The following CNTNAP5 variants were observed in gnomAD, a reference collection of about 807,000 sequenced individuals.
CNTNAP5 encodes contactin associated protein family member 5, also known as contactin-associated protein-like 5.
In CNTNAP5, 72 loss-of-function variants were observed where a neutral mutation model predicts 150.2. The ratio of observed to expected loss-of-function variants is 0.48; its 90% confidence interval spans 0.40 to 0.58. The LOEUF (loss-of-function observed/expected upper bound fraction) is 0.58. Among genes scored for constraint, CNTNAP5 ranks in the 20% least tolerant of loss-of-function variants. The probability of loss-of-function intolerance (pLI) is 0.00; values close to 1 mark genes in which losing one functional copy is unlikely to be tolerated. For synonymous variants in CNTNAP5, 672 were observed against 619.8 expected, an observed-to-expected ratio of 1.08 and a Z score of -1.25; for missense variants, 1,636 against 1,626.2, an observed-to-expected ratio of 1.01 and a Z score of -0.10.
Position 124,664,667 on chromosome 2 carries a change from G to A in CNTNAP5, c.2077+16709G>A, listed in dbSNP as rs10210568. Among the ~76,000 whole-genome samples the A allele has an allele frequency of 1.7e-3, 262 of 152,260 alleles. 1 individual carries two copies. Among genetic ancestry groups the A allele is most frequent in the African/African-American group, 6.0e-3 (251 of 41,538 alleles). ...GCCCTGAATGAAATACATGCAATCC[G>A]CAGGGGACAAAGAAGTTTTGTTTGT... On this transcript the variant is annotated intron_variant, in intron 13 of 23. Coordinates refer to ENST00000682447, the MANE Select transcript of CNTNAP5 (RefSeq NM_001367498.1).
At chr2:124,297,993 C>T (rs1688484262) in intron 3 of CNTNAP5, among the ~76,000 whole-genome samples, 1 of 151,930 alleles carries the variant, frequency 6.6e-6, no homozygotes, top group African/African-American at 2.4e-5. Context: ...TACAGGTGCT[C>T]ACCACCACGC....
chr2:124,465,580 A>G (rs2104825246), intron 6 of CNTNAP5, among the ~76,000 whole-genome samples: 1 of 152,318 alleles, frequency 6.6e-6, no homozygotes, highest in South Asian at 2.1e-4. Context: ...TAATGGTTTA[A>G]TCATACCTCT....
intron 3 of CNTNAP5, among the ~76,000 whole-genome samples, chr2:124,339,859 CT>C: frequency 6.6e-6 from 1 of 151,996 alleles, no homozygotes; most frequent in Non-Finnish European, 1.5e-5. Flanking sequence ...AAGTGGTTTT[CT>C]TCCCCTGAGT....
intron 3 of CNTNAP5, among the ~76,000 whole-genome samples, chr2:124,302,621 G>C (rs1688593314): frequency 6.6e-6 from 1 of 152,108 alleles, no homozygotes; most frequent in African/African-American, 2.4e-5. Context: ...CCTTCATGAG[G>C]GCACAGCCCT....
At chr2:124,738,090 C>T (rs772992876) in intron 13 of CNTNAP5, among the ~76,000 whole-genome samples, 1 of 152,062 alleles carries the variant, frequency 6.6e-6, no homozygotes, top group Non-Finnish European at 1.5e-5. Flanking sequence ...TCCAACTCTG[C>T]TTTTCATTCA....
intron 13 of CNTNAP5, among the ~76,000 whole-genome samples, chr2:124,743,807 C>G (rs767904783): frequency 6.6e-4 from 101 of 152,064 alleles, no homozygotes; most frequent in Non-Finnish European, 6.3e-4. Context: ...TTAAACCTTC[C>G]TATTGGAACA....
chr2:124,897,422 A>C (rs570168872), intron 21 of CNTNAP5, among the ~76,000 whole-genome samples: 2 of 151,556 alleles, frequency 1.3e-5, no homozygotes, highest in South Asian at 4.1e-4. Flanking sequence ...TAAGTCCACT[A>C]TCAAACATGG....
intron 1 of CNTNAP5, among the ~76,000 whole-genome samples, chr2:124,177,429 T>G (rs978144645): frequency 1.3e-5 from 2 of 152,050 alleles, no homozygotes. Context: ...TATCAGAAAG[T>G]GTGATGAGAA....
Position 124,207,006 on chromosome 2 carries a change from G to A in CNTNAP5, c.83-14699G>A, listed in dbSNP as rs547378762. On this transcript the variant is annotated intron_variant, in intron 1 of 23. Coordinates refer to ENST00000682447, the MANE Select transcript of CNTNAP5 (RefSeq NM_001367498.1). ...ACATATATTCTGTTCAACTCTGTATGGCAAATATGATGTTTAGTATCAAAT... is the reference window on the plus strand; with the variant it reads ...ACATATATTCTGTTCAACTCTGTATAGCAAATATGATGTTTAGTATCAAAT... 3.3e-5 allele frequency among the ~76,000 whole-genome samples: 5 copies of A among 152,258 alleles called. No individual in the cohort carries two copies. The East Asian group carries it at 7.7e-4, about 24-fold the overall frequency.
At chr2:124,309,133 A>C (rs1368640671) in intron 3 of CNTNAP5, among the ~76,000 whole-genome samples, 6 of 152,206 alleles carry the variant, frequency 3.9e-5, no homozygotes, top group Non-Finnish European at 8.8e-5. Flanking sequence ...CTAATAATAA[A>C]ATAGGACGGT....
At chr2:124,581,288 G>A (rs939427896) in intron 11 of CNTNAP5, among the ~76,000 whole-genome samples, 1 of 152,120 alleles carries the variant, frequency 6.6e-6, no homozygotes, top group Non-Finnish European at 1.5e-5. Context: ...ATCATGCCAA[G>A]GTGGGAATAA....
intron 2 of CNTNAP5, among the ~76,000 whole-genome samples, chr2:124,241,821 C>CAGAG (rs141935149): frequency 6.7e-6 from 1 of 149,312 alleles, no homozygotes; most frequent in Non-Finnish European, 1.5e-5. Flanking sequence ...ATATATTAGT[C>CAGAG]AGAGAGAGAG....
chr2:124,812,180 A>G (rs565906604), intron 19 of CNTNAP5, among the ~76,000 whole-genome samples: 125 of 124,734 alleles, frequency 1.0e-3, no homozygotes, highest in Middle Eastern at 3.9e-3. Context: ...TTTATAATAC[A>G]TAAGTATATA....
intron 22 of CNTNAP5, 111 bp downstream of exon 22, chr2:124,903,211 TATA>T (rs1678451590): frequency 3.3e-6 from 2 of 602,234 alleles, no homozygotes; most frequent in Non-Finnish European, 5.4e-6. Context: ...TTTTACTTTG[TATA>T]ATAACAGGTG....
intron 1 of CNTNAP5, among the ~76,000 whole-genome samples, chr2:124,147,902 G>A (rs1297564651): frequency 6.6e-6 from 1 of 152,196 alleles, no homozygotes; most frequent in Non-Finnish European, 1.5e-5. Flanking sequence ...GAGTAGTGAG[G>A]CAGAAATGTT....
At chr2:124,037,403 T>A (rs981402325) in intron 1 of CNTNAP5, among the ~76,000 whole-genome samples, 3 of 152,224 alleles carry the variant, frequency 2.0e-5, no homozygotes, top group Admixed American at 6.5e-5. Flanking sequence ...TGCAGCATTA[T>A]CTACAATAGT....
intron 3 of CNTNAP5, among the ~76,000 whole-genome samples, chr2:124,286,940 C>A (rs1460596826): frequency 6.6e-6 from 1 of 152,138 alleles, no homozygotes; most frequent in East Asian, 1.9e-4. Context: ...GTTTAATACC[C>A]ACAGGGACCA....
intron 13 of CNTNAP5, among the ~76,000 whole-genome samples, chr2:124,742,502 T>C (rs1680516483): frequency 6.6e-6 from 1 of 152,094 alleles, no homozygotes; most frequent in African/African-American, 2.4e-5. Context: ...TGCTATAGTA[T>C]TATTATTGTG....
Position 124,748,894 on chromosome 2 carries a change from AATGGGCTTCT to A in CNTNAP5, c.2234+1510_2234+1519del, listed in dbSNP as rs1680662834. ...ATCAGATATAGTTAACCACAGGTAG[AATGGGCTTCT>A]GCATTCTGTGAGCCCCCACTTTATC... is the stretch of plus-strand genomic sequence containing the variant. On this transcript the variant is annotated intron_variant, in intron 14 of 23. Coordinates refer to ENST00000682447, the MANE Select transcript of CNTNAP5 (RefSeq NM_001367498.1). Among the ~76,000 whole-genome samples, 4 of 152,286 alleles carry A rather than the reference AATGGGCTTCT, an allele frequency of 2.6e-5. No homozygotes were observed. In the South Asian group the frequency reaches 8.3e-4, roughly 32 times the overall value.
Sources: allele counts gnomAD v4.1 joint callset (sites outside exome capture counted in the v4.1 genomes callset), GRCh38; gene constraint gnomAD v4.1.1; transcripts MANE v1.5; gene names NCBI Gene and HGNC (gene_info 2026-07-23, HGNC 2026-07-21).